Variants in PRDM10 observed in about 807,000 individuals in gnomAD.
PRDM10 encodes the protein PR domain zinc finger protein 10.
In PRDM10, 65 loss-of-function variants were observed where a neutral mutation model predicts 133.1. That is an observed-to-expected ratio of 0.49 (90% confidence interval 0.40 to 0.60). The LOEUF (loss-of-function observed/expected upper bound fraction) is 0.60, where lower values mean the gene tolerates loss of function less well. Ranked by LOEUF, PRDM10 falls within the 20% of genes least tolerant of loss-of-function variation. PRDM10 has a pLI of 0.00. For missense variants in PRDM10, 1,137 were observed against 1,507.1 expected, an observed-to-expected ratio of 0.75 and a Z score of 4.07; for synonymous variants, 582 against 580.4, an observed-to-expected ratio of 1.00 and a Z score of -0.04.
chr11:129,991,354 G>A (rs1938732538), intron 1 of PRDM10, among the ~76,000 whole-genome samples: 1 of 152,196 alleles, frequency 6.6e-6, no homozygotes, highest in Non-Finnish European at 1.5e-5. Context: ...CAGAAAATAT[G>A]TAAAGTTCAA....
chr11:129,911,388 C>T (rs1378466540), intron 18 of PRDM10, among the ~76,000 whole-genome samples: 1 of 152,198 alleles, frequency 6.6e-6, no homozygotes, highest in Non-Finnish European at 1.5e-5. Context: ...TGGTGGAGTT[C>T]AGCACAGGTG....
rs1339100051 is a variant in PRDM10 at position 129,915,632 on chromosome 11, C to T, written c.2526+28G>A. The T allele has an allele frequency of 3.2e-6, 5 of 1,541,710 alleles. No homozygotes were observed. In the South Asian group the frequency reaches 6.2e-5, roughly 19 times the overall value. On this transcript the variant is annotated intron_variant, in intron 16 of 20. Coordinates refer to ENST00000360871, the MANE Select transcript of PRDM10 (RefSeq NM_199437.2). The stretch of plus-strand genomic sequence containing the variant: ...AGATTCCTCGCATGGCGGTTTTGAC[C>T]TTAGCTTTAGTCAGAAACTCCCCCT...
In PRDM10 at chr11:129,923,043, G is replaced by A. The variant is rs568814446; in HGVS notation, c.2034+205C>T. ...ATGCATTTTTACTCTACTTGTTTGGGGATTTGAATTAACTATTTTGAGGAA... is the reference window on the plus strand; with the variant it reads ...ATGCATTTTTACTCTACTTGTTTGGAGATTTGAATTAACTATTTTGAGGAA... On this transcript the variant is annotated intron_variant, in intron 13 of 20. Transcript: ENST00000360871. The surrounding 1 kb of genome is among the most constrained non-coding windows in gnomAD (Gnocchi z 4.4). 2.0e-5 allele frequency among the ~76,000 whole-genome samples: 3 copies of A among 152,078 alleles called. No homozygotes were observed. The highest frequency in any genetic ancestry group is 4.4e-5 in the Non-Finnish European group (3 of 68,020).
intron 19 of PRDM10, among the ~76,000 whole-genome samples, chr11:129,909,396 G>A (rs570578482): frequency 3.3e-5 from 5 of 151,750 alleles, no homozygotes; most frequent in South Asian, 4.2e-4. Flanking sequence ...GTTGCAGTGA[G>A]CCGCGATTGT....
chr11:129,925,006 G>C lies in PRDM10; in HGVS notation c.1754C>G (p.Ser585Cys). 1 of 1,614,190 alleles carries C rather than the reference G, an allele frequency of 6.2e-7. No homozygotes were observed. Among genetic ancestry groups the C allele is most frequent in the Admixed American group, 1.7e-5 (1 of 60,016 alleles). ...MKLHSDQKTY[S>C]CIFCPESFDR... Reference sequence around the variant, plus strand: ...AAAGGATTCTGGGCAAAAAATGCAAGAGTAAGTCTTCTGGTCTGAGTGGAG... The same window carrying C: ...AAAGGATTCTGGGCAAAAAATGCAACAGTAAGTCTTCTGGTCTGAGTGGAG... The change falls in exon 12 of 21, where the codon TCT becomes TGT. Residue 585 changes from serine (S) to cysteine (C), a missense_variant. Ser to Cys is a moderately radical substitution (Grantham distance 112, BLOSUM62 -1). Around this residue, in one of 6 missense-constraint regions of PRDM10, gnomAD observed 635 missense variants for 835.2 expected, o/e 0.76. Transcript: ENST00000360871.
At chr11:129,920,181 T>C (rs1950481717) in intron 13 of PRDM10, among the ~76,000 whole-genome samples, 1 of 152,074 alleles carries the variant, frequency 6.6e-6, no homozygotes, top group South Asian at 2.1e-4. Flanking sequence ...CTTAACCGAA[T>C]CATCACATAA....
chr11:129,961,106 C>G, intron 1 of PRDM10, 24 bp from the exon 2 acceptor site: 1 of 558,072 alleles, frequency 1.8e-6, no homozygotes, highest in South Asian at 2.6e-5. Context: ...GAAAAGGAAC[C>G]AAGACTTTCA....
intron 11 of PRDM10, among the ~76,000 whole-genome samples, chr11:129,927,798 C>T (rs1434317780): frequency 2.6e-5 from 4 of 152,108 alleles, no homozygotes; most frequent in Non-Finnish European, 4.4e-5. Context: ...TGTCCCCACC[C>T]GTTGACCCAC....
chr11:129,951,667 C>T (rs923414393), intron 4 of PRDM10, among the ~76,000 whole-genome samples: 20 of 152,246 alleles, frequency 1.3e-4, no homozygotes, highest in Middle Eastern at 3.4e-3. Flanking sequence ...AAACATGAAA[C>T]GACCACGCTG....
intron 1 of PRDM10, among the ~76,000 whole-genome samples, chr11:129,989,414 G>A (rs188329465): frequency 7.2e-5 from 11 of 152,258 alleles, no homozygotes; most frequent in Admixed American, 2.0e-4. Flanking sequence ...AGCAGTATTC[G>A]GTCACAAGAC....
At chr11:129,992,117 C>T (rs979468814) in intron 1 of PRDM10, among the ~76,000 whole-genome samples, 16 of 152,166 alleles carry the variant, frequency 1.1e-4, no homozygotes, top group African/African-American at 2.9e-4. Context: ...TCAGGTGTAC[C>T]TACAACATGT....
chr11:129,955,554 G>A lies in PRDM10; in HGVS notation c.252C>T (p.Pro84=), dbSNP rs74759622. 7.3e-4 allele frequency: 1,178 copies of A among 1,613,918 alleles called. 6 individuals carry two copies. The African/African-American group carries it at 0.013, about 17-fold the overall frequency. The change falls in exon 4 of 21, where the codon CCC becomes CCT. Residue 84 remains proline (P), a synonymous_variant. Coordinates refer to ENST00000360871, the MANE Select transcript of PRDM10 (RefSeq NM_199437.2). The part of the protein sequence containing the change: ...VEAAQTLFTD[P]GQVAYVQQDA... Reference sequence around the variant, plus strand: ...CCTGTTGGACATAAGCTACCTGGCCGGGGTCTGTAAACAGAGTCTAAACAA... The same window carrying A: ...CCTGTTGGACATAAGCTACCTGGCCAGGGTCTGTAAACAGAGTCTAAACAA...
At chr11:129,943,696 T>TA (rs1951290548) in intron 6 of PRDM10, among the ~76,000 whole-genome samples, 1 of 152,066 alleles carries the variant, frequency 6.6e-6, no homozygotes, top group South Asian at 2.1e-4. Context: ...CCTGTATCCA[T>TA]AAAAAATACA....
At chr11:129,980,861 GTTTTTTTTTT>G (rs60735364) in intron 1 of PRDM10, among the ~76,000 whole-genome samples, 3 of 102,128 alleles carry the variant, frequency 2.9e-5, no homozygotes, top group Admixed American at 1.0e-4. Context: ...GACATTTCTG[GTTTTTTTTTT>G]TTTTTTTTTT....
intron 1 of PRDM10, among the ~76,000 whole-genome samples, chr11:129,964,563 G>A (rs147913599): frequency 6.6e-6 from 1 of 152,248 alleles, no homozygotes; most frequent in Non-Finnish European, 1.5e-5. Context: ...ATACAAGGTA[G>A]CATTTCTTCT....
chr11:129,960,906 T>C lies in PRDM10; in HGVS notation c.59A>G (p.Asn20Ser). 1 of 1,614,150 alleles carries C rather than the reference T, an allele frequency of 6.2e-7. No homozygotes were observed. The highest frequency in any genetic ancestry group is 8.5e-7 in the Non-Finnish European group (1 of 1,180,016). Residue 20 changes from asparagine to serine, a missense_variant, in exon 2 of 21, where the codon AAT becomes AGT. Coordinates refer to ENST00000360871, the MANE Select transcript of PRDM10 (RefSeq NM_199437.2). ...AAGACCAGTCTTCACCTGTGCGGCA[T>C]TCTGTTCATGCTCTGCAGATGTCGG... ...VWPTSAEHEQ[N>S]AAQVHFVPDT... is the part of the protein sequence containing the mutation.
intron 13 of PRDM10, among the ~76,000 whole-genome samples, chr11:129,922,558 TTC>T: frequency 6.6e-6 from 1 of 152,238 alleles, no homozygotes; most frequent in Non-Finnish European, 1.5e-5. Flanking sequence ...CTGAATCAAT[TTC>T]TGATTCTTTT....
Position 129,899,821 on chromosome 11 carries a change from T to C in PRDM10, c.*2492A>G, listed in dbSNP as rs1292811814. On this transcript the variant is annotated 3_prime_UTR_variant, in exon 21 of 21. Transcript: ENST00000360871. ...TAACTCACTGAATGTACAATAAATG[T>C]TCACATTTAAATAACAGGATAGGGT... The C allele has an allele frequency of 3.3e-5, 5 of 152,624 alleles. No individual in the cohort carries two copies. The highest frequency in any genetic ancestry group is 3.8e-4 in the East Asian group (2 of 5,198). The allele number at this position is 152,624 out of a possible 1,614,324, so 9.5% of individuals were successfully genotyped here.
At chr11:129,982,434 T>C (rs9734472) in intron 1 of PRDM10, among the ~76,000 whole-genome samples, 10,226 of 151,970 alleles carry the variant, frequency 0.067, 661 homozygotes, top group East Asian at 0.37. Flanking sequence ...AGCTAATTTT[T>C]TGTATTTTTA....
Sources: gnomAD v4.1 joint callset for allele counts (sites outside exome capture counted in the v4.1 genomes callset) on GRCh38, gnomAD v4.1.1 for gene constraint, gnomAD v4.1.1 regional missense constraint, Gnocchi (gnomAD v3.1) non-coding constraint, MANE v1.5 for transcripts, NCBI Gene and HGNC (gene_info 2026-07-23, HGNC 2026-07-21) for gene names.